Variants in DNAJC9 observed in about 807,000 individuals in gnomAD.
DNAJC9 encodes DnaJ heat shock protein family (Hsp40) member C9, also known as dnaJ homolog subfamily C member 9.
A neutral mutation model predicts 32.4 loss-of-function variants in DNAJC9; 18 were observed. The ratio of observed to expected loss-of-function variants is 0.56; its 90% CI spans 0.38 to 0.82. DNAJC9 has a LOEUF of 0.82. Among genes scored for constraint, DNAJC9 ranks in the 40% least tolerant of loss-of-function variants. The pLI is 0.00. For synonymous variants in DNAJC9, 113 were observed against 122.1 expected (o/e 0.93, Z 0.49); for missense variants, 310 against 321.8 (o/e 0.96, Z 0.28).
downstream of DNAJC9, chr10:73,239,129 G>T: frequency 1.9e-6 from 1 of 526,838 alleles, no homozygotes; most frequent in South Asian, 2.9e-5. Context: ...ATGGCTTTGT[G>T]GGCATCTGGC....
At chr10:73,246,647 A>C in intron 2 of DNAJC9, 41 bp downstream of exon 2, 1 of 1,607,702 alleles carries the variant, frequency 6.2e-7, no homozygotes, top group Non-Finnish European at 8.5e-7. Context: ...TGTTGATTGA[A>C]TGATGGTAAC....
At chr10:73,246,916 A>G (rs926435282) in intron 1 of DNAJC9, 88 bp from the exon 2 acceptor site, 125 of 1,593,652 alleles carry the variant, frequency 7.8e-5, no homozygotes, top group Non-Finnish European at 9.3e-5. Context: ...CGCCAAGCGG[A>G]GCTCAGCGCG....
chr10:73,243,290 A>G lies in DNAJC9; in HGVS notation c.*110T>C. ...GTCAATCTGAAAAATTCAGGCTGGA[A>G]AGACACCTTTTCTCAAGAGCTGAAT... is the stretch of plus-strand genomic sequence containing the variant. On this transcript the variant is annotated 3_prime_UTR_variant, in exon 5 of 5. Coordinates refer to ENST00000372950, the MANE Select transcript of DNAJC9 (RefSeq NM_015190.5). 1 of 1,264,514 alleles carries G rather than the reference A, an allele frequency of 7.9e-7. No homozygotes were observed. Among genetic ancestry groups the G allele is most frequent in the Non-Finnish European group, 1.1e-6 (1 of 904,710 alleles). The allele number at this position is 1,264,514 out of a possible 1,614,324, so 78.3% of individuals were successfully genotyped here.
Position 73,242,679 on chromosome 10 carries a change from A to G in DNAJC9, c.*721T>C, listed in dbSNP as rs1335679056. On this transcript the variant is annotated 3_prime_UTR_variant, in exon 5 of 5. Coordinates refer to ENST00000372950, the MANE Select transcript of DNAJC9 (RefSeq NM_015190.5). The stretch of plus-strand genomic sequence containing the variant: ...CAGTAATCAGTGGCAGGACTACAAC[A>G]TACATCTCTTCATGCTAGGGAAACC... 2.6e-5 allele frequency: 4 copies of G among 152,234 alleles called. No homozygotes were observed. The highest frequency in any genetic ancestry group is 9.6e-5 in the African/African-American group (4 of 41,452). 9.4% of individuals were successfully genotyped at this position (152,234 alleles called of 1,614,324 possible). A position where few individuals can be genotyped will look rare whatever the true frequency, so the allele number is the denominator to read the frequency against.
rs2043968579 is a variant in DNAJC9, at chr10:73,242,754, T to C, written c.*646A>G. The C allele has an allele frequency of 6.6e-6, 1 of 152,240 alleles. No homozygotes were observed. Among genetic ancestry groups the C allele is most frequent in the Non-Finnish European group, 1.5e-5 (1 of 68,078 alleles). 9.4% of individuals were successfully genotyped at this position (152,240 alleles called of 1,614,324 possible). Reference sequence around the variant, plus strand: ...AGGGCTATTGTTTTCCCCTTTTCTCTCATCCTAAACACCATTCATATTTTT... The same window carrying C: ...AGGGCTATTGTTTTCCCCTTTTCTCCCATCCTAAACACCATTCATATTTTT... On this transcript the variant is annotated 3_prime_UTR_variant, in exon 5 of 5. Transcript: ENST00000372950.
chr10:73,236,242 A>T (rs929551061), downstream of DNAJC9, among the ~76,000 whole-genome samples: 4 of 152,088 alleles, frequency 2.6e-5, no homozygotes, highest in African/African-American at 9.7e-5. Context: ...AACAGCAGAA[A>T]TTTTTTCCTC....
At position 73,247,057 on chromosome 10, in the gene DNAJC9, C is replaced by G; in HGVS notation, c.133G>C (p.Asp45His). 6.3e-7 allele frequency: 1 copy of G among 1,577,776 alleles called. No individual in the cohort carries two copies. The highest frequency in any genetic ancestry group is 2.3e-5 in the East Asian group (1 of 42,936). The change falls in exon 1 of 5, where the codon GAC (aspartate) becomes CAC (histidine). Residue 45 changes from aspartate to histidine, a missense_variant. Transcript: ENST00000372950. ...YHKVSLQVHP[D>H]RVGEGDKEDA... ...TCCTTGTCGCCCTCACCCACCCGGT[C>G]CGGGTGTACCTGCAGGGACACCTTG... is the stretch of plus-strand genomic sequence containing the variant.
chr10:73,239,338 T>G (rs552870462), downstream of DNAJC9: 4 of 1,551,742 alleles, frequency 2.6e-6, no homozygotes, highest in East Asian at 4.9e-5. Context: ...GTCGCTCATG[T>G]GCAGTTGAGT....
chr10:73,246,634 G>C (rs914699803), intron 2 of DNAJC9, 54 bp downstream of exon 2: 1 of 1,582,786 alleles, frequency 6.3e-7, no homozygotes, highest in Non-Finnish European at 8.7e-7. Context: ...GTCAATAAAG[G>C]TTTGTTGATT....
At chr10:73,239,246 C>A, downstream of DNAJC9, 3 of 1,360,198 alleles carry the variant, frequency 2.2e-6, no homozygotes, top group South Asian at 1.3e-5. Context: ...TTCCTGTGAA[C>A]CTGCTAAAAT....
chr10:73,240,885 A>T (rs2043934542), downstream of DNAJC9: 8 of 1,006,224 alleles, frequency 8.0e-6, no homozygotes, highest in East Asian at 2.1e-4. Flanking sequence ...CTTAGCTATA[A>T]ACTTGAGAGT....
chr10:73,243,627 GT>G (rs1293813622), intron 4 of DNAJC9, 108 bp from the exon 5 acceptor site: 23 of 1,424,222 alleles, frequency 1.6e-5, no homozygotes, highest in Middle Eastern at 3.7e-4. Flanking sequence ...TGGGTATGGA[GT>G]TTTTTTGGAA....
At position 73,246,734 on chromosome 10, in the gene DNAJC9, G is replaced by A. The variant is rs141251350; in HGVS notation, c.275C>T (p.Thr92Ile). ...GTVDEDSPVL[T>I]QDRDWEAYWR... ...ATACGCCTCCCAGTCTCGGTCTTGG[G>A]TGAGCACAGGAGAGTCCTCGTCCAC... The change falls in exon 2 of 5, where the codon ACC (threonine) becomes ATC (isoleucine). Residue 92 changes from threonine to isoleucine, a missense_variant. Transcript: ENST00000372950. 50 of 1,613,932 alleles carry A rather than the reference G, an allele frequency of 3.1e-5. No individual in the cohort carries two copies. Among genetic ancestry groups the A allele is most frequent in the Non-Finnish European group, 4.2e-5 (50 of 1,179,970 alleles).
chr10:73,232,718 ATTATGT>A (rs2043734135), intron 2 of DNAJC9, among the ~76,000 whole-genome samples: 1 of 152,190 alleles, frequency 6.6e-6, no homozygotes, highest in African/African-American at 2.4e-5. Flanking sequence ...ATTCTAGTAA[ATTATGT>A]TTATGATTGA....
Position 73,246,990 on chromosome 10 carries a change from C to A in DNAJC9, c.180+20G>T. On this transcript the variant is annotated intron_variant, in intron 1 of 4. Transcript: ENST00000372950. ...GGAGGCCCGCGCAGCCGGTCGGCTT[C>A]GGGGCGGGACCCTGCATACCTGGAA... The A allele has an allele frequency of 6.5e-7, 1 of 1,550,122 alleles. No individual in the cohort carries two copies. Among genetic ancestry groups the A allele is most frequent in the Non-Finnish European group, 8.7e-7 (1 of 1,148,286 alleles).
chr10:73,238,333 C>T (rs753528229), downstream of DNAJC9, among the ~76,000 whole-genome samples: 1 of 152,046 alleles, frequency 6.6e-6, no homozygotes, highest in Admixed American at 6.6e-5. Flanking sequence ...GGCGACAGAG[C>T]GAGAAGACTC....
chr10:73,238,068 G>A (rs901835276), downstream of DNAJC9, among the ~76,000 whole-genome samples: 14 of 152,114 alleles, frequency 9.2e-5, no homozygotes, highest in South Asian at 2.5e-3. Flanking sequence ...GCTGTGAGCC[G>A]GCTGCAGTGG....
Position 73,242,380 on chromosome 10 carries a change from AC to A in DNAJC9, c.*1019del, listed in dbSNP as rs1378710346. 6.6e-6 allele frequency: 1 copy of A among 152,092 alleles called. No homozygotes were observed. Among genetic ancestry groups the A allele is most frequent in the African/African-American group, 2.4e-5 (1 of 41,402 alleles). The allele number at this position is 152,092 out of a possible 1,614,324, so 9.4% of individuals were successfully genotyped here. On this transcript the variant is annotated 3_prime_UTR_variant, in exon 5 of 5. Transcript: ENST00000372950. ...AAACCATTACCATGAGTTCACTATAACAACTGGATCAATATGGCTTGCCTTT... is the reference window on the plus strand; with the variant it reads ...AAACCATTACCATGAGTTCACTATAAAACTGGATCAATATGGCTTGCCTTT...
chr10:73,234,864 G>A (rs1473038533), downstream of DNAJC9: 9 of 1,551,766 alleles, frequency 5.8e-6, no homozygotes, highest in African/African-American at 1.4e-5. Context: ...ACGCCCCTGA[G>A]TCGAAATAAT....
Sources: gnomAD v4.1 joint callset for allele counts (sites outside exome capture counted in the v4.1 genomes callset) on GRCh38, gnomAD v4.1.1 for gene constraint, MANE v1.5 for transcripts, NCBI Gene and HGNC (gene_info 2026-07-23, HGNC 2026-07-21) for gene names.